DEPDC1: variants seen among roughly 807,000 people sequenced by gnomAD.
The protein encoded by DEPDC1 is DEP domain-containing protein 1A.
Under a neutral mutation model 86.8 loss-of-function variants are expected in DEPDC1, and 66 were observed. The observed-to-expected ratio is 0.76, with a 90% CI of 0.62 to 0.93. DEPDC1 has a LOEUF of 0.93. Ranked by LOEUF, DEPDC1 falls within the 40% of genes least tolerant of loss-of-function variation. The pLI, the probability that DEPDC1 is intolerant of heterozygous loss-of-function variation, is 0.00. For missense variants in DEPDC1, 792 were observed against 935.7 expected (o/e 0.85, Z 2.00); for synonymous variants, 255 against 314.9 (o/e 0.81, Z 2.02).
At chr1:68,494,267 C>T (rs1218603097) in intron 2 of DEPDC1, among the ~76,000 whole-genome samples, 163 bp downstream of exon 2, 1 of 152,174 alleles carries the variant, frequency 6.6e-6, no homozygotes, top group Admixed American at 6.5e-5. Context: ...TTAACTTTCA[C>T]ATTACAATTT....
chr1:68,482,208 T>C lies in DEPDC1; in HGVS notation c.1600A>G (p.Met534Val). The C allele has an allele frequency of 1.2e-6, 2 of 1,612,960 alleles. No homozygotes were observed. Among genetic ancestry groups the C allele is most frequent in the East Asian group, 2.2e-5 (1 of 44,846 alleles). The change falls in exon 8 of 12, where the codon ATG becomes GTG. Residue 534 changes from methionine to valine, a missense_variant. Met to Val is a conservative substitution (Grantham distance 21, BLOSUM62 1). Coordinates refer to ENST00000456315, the MANE Select transcript of DEPDC1 (RefSeq NM_001114120.3). ...CTGCCTTGTCCAACATTTGGTTTCA[T>C]GATAATTTCAGCCACTGGTGTATTG... is the stretch of plus-strand genomic sequence containing the variant. ...YINTPVAEII[M>V]KPNVGQGSTS...
intron 11 of DEPDC1, among the ~76,000 whole-genome samples, chr1:68,477,486 T>C (rs1376490642): frequency 6.6e-6 from 1 of 151,710 alleles, no homozygotes; most frequent in Non-Finnish European, 1.5e-5. Flanking sequence ...TATCCATACC[T>C]TATAAATTGC....
chr1:68,488,424 T>C lies in DEPDC1; in HGVS notation c.671A>G (p.Asn224Ser), dbSNP rs771984101. ...KQVIPQYIMY[N>S]MANTSKRGVV... ...TCCACGTTTACTTGTATTGGCCATG[T>C]TGTACATTATATATTGGGGAATTAC... The change falls in exon 5 of 12, where the codon AAC becomes AGC. Residue 224 changes from asparagine to serine, a missense_variant. Physicochemically the swap from Asn to Ser is conservative, Grantham distance 46. Transcript: ENST00000456315. 1.2e-4 allele frequency: 192 copies of C among 1,606,490 alleles called. No individual in the cohort carries two copies. Among genetic ancestry groups the C allele is most frequent in the Non-Finnish European group, 1.6e-4 (186 of 1,177,260 alleles).
intron 6 of DEPDC1, 50 bp downstream of exon 6, chr1:68,486,881 AACACAC>A (rs55915411): frequency 0.11 from 127,756 of 1,167,950 alleles, 1,554 homozygotes; most frequent in Admixed American, 0.14. Flanking sequence ...CTATCAATAT[AACACAC>A]ACACACACAC....
At chr1:68,486,311 C>T (rs1157471393) in intron 6 of DEPDC1, among the ~76,000 whole-genome samples, 2 of 151,960 alleles carry the variant, frequency 1.3e-5, no homozygotes, top group Non-Finnish European at 2.9e-5. Context: ...CACAACCTTC[C>T]TCCTGCTCCA....
In DEPDC1 at chr1:68,496,884, G is replaced by T. The variant is rs1646269623; in HGVS notation, c.48+68C>A. 4 of 1,535,870 alleles carry T rather than the reference G, an allele frequency of 2.6e-6. No individual in the cohort carries two copies. The African/African-American group carries it at 5.5e-5, about 21-fold the overall frequency. ...CGAGGTAAAACTGCGAACGGTCGAGGTAAAACTGCGAACAGTGGTGACTGC... is the reference window on the plus strand; with the variant it reads ...CGAGGTAAAACTGCGAACGGTCGAGTTAAAACTGCGAACAGTGGTGACTGC... On this transcript the variant is annotated intron_variant, in intron 1 of 11. Coordinates refer to ENST00000456315, the MANE Select transcript of DEPDC1 (RefSeq NM_001114120.3). This position sits in a 1 kb window ranked among gnomAD's most constrained non-coding sequence, Gnocchi z 4.0.
At chr1:68,483,773 C>T (rs931463071) in intron 7 of DEPDC1, among the ~76,000 whole-genome samples, 177 bp downstream of exon 7, 15 of 151,894 alleles carry the variant, frequency 9.9e-5, no homozygotes, top group Non-Finnish European at 2.1e-4. Flanking sequence ...AGGGAAGTCC[C>T]GAATTGGTAG....
intron 7 of DEPDC1, 34 bp from the exon 8 acceptor site, chr1:68,482,931 C>T: frequency 6.5e-7 from 1 of 1,533,250 alleles, no homozygotes; most frequent in South Asian, 1.3e-5. Context: ...TAAGATGCAA[C>T]TGTATGACAG....
chr1:68,478,111 A>G, intron 10 of DEPDC1, 139 bp from the exon 11 acceptor site: 1 of 522,718 alleles, frequency 1.9e-6, no homozygotes, highest in East Asian at 3.4e-5. Flanking sequence ...TGTATTATGC[A>G]GTAGAGGTAT....
At chr1:68,477,685 C>T (rs919271886) in intron 11 of DEPDC1, 102 bp downstream of exon 11, 1 of 817,472 alleles carries the variant, frequency 1.2e-6, no homozygotes, top group East Asian at 3.0e-5. Flanking sequence ...AACTTAAAAT[C>T]TAAAATATTA....
At position 68,496,571 on chromosome 1, in the gene DEPDC1, C is replaced by T. The variant is rs17130714; in HGVS notation, c.48+381G>A. The T allele has an allele frequency of 0.065, 13,780 of 213,362 alleles. 590 individuals are homozygous for T. Among genetic ancestry groups the T allele is most frequent in the African/African-American group, 0.13 (5,741 of 43,866 alleles). The allele number at this position is 213,362 out of a possible 1,614,324, so 13.2% of individuals were successfully genotyped here. A position where few individuals can be genotyped will look rare whatever the true frequency, so the allele number is the denominator to read the frequency against. ...CACCTAACCCTACAAAGCTTTGGAC[C>T]TCATTCCCAATTGTTCCCTAATTCT... On this transcript the variant is annotated intron_variant, in intron 1 of 11. Transcript: ENST00000456315. The surrounding 1 kb of genome is among the most constrained non-coding windows in gnomAD (Gnocchi z 4.0).
intron 6 of DEPDC1, among the ~76,000 whole-genome samples, chr1:68,485,176 A>G (rs1646185028): frequency 6.6e-6 from 1 of 151,832 alleles, no homozygotes; most frequent in Non-Finnish European, 1.5e-5. Flanking sequence ...ACACACACAC[A>G]CACACACACA....
intron 9 of DEPDC1, among the ~76,000 whole-genome samples, chr1:68,479,745 G>C (rs1646141310): frequency 6.6e-6 from 1 of 151,502 alleles, no homozygotes; most frequent in Non-Finnish European, 1.5e-5. Flanking sequence ...CCAGGGTGCA[G>C]TGAGCTATGA....
At chr1:68,483,015 G>C in intron 7 of DEPDC1, 118 bp from the exon 8 acceptor site, 2 of 1,080,162 alleles carry the variant, frequency 1.9e-6, no homozygotes, top group Non-Finnish European at 1.3e-6. Flanking sequence ...TGTTAGTATA[G>C]TATACACAGT....
chr1:68,478,797 C>A (rs182742687), intron 10 of DEPDC1, among the ~76,000 whole-genome samples: 10 of 152,128 alleles, frequency 6.6e-5, no homozygotes, highest in African/African-American at 2.4e-4. Flanking sequence ...TATTTAACCT[C>A]AACTATGCTA....
chr1:68,488,273 G>C (rs1204078763), intron 5 of DEPDC1, 101 bp downstream of exon 5: 3 of 1,134,938 alleles, frequency 2.6e-6, no homozygotes, highest in African/African-American at 3.3e-5. Flanking sequence ...GATGCTCCAT[G>C]AAAGTATTCT....
chr1:68,497,065 A>T lies in DEPDC1; in HGVS notation c.-66T>A, dbSNP rs1029497551. 4.5e-6 allele frequency: 7 copies of T among 1,569,218 alleles called. No individual in the cohort carries two copies. The African/African-American group carries it at 8.2e-5, about 18-fold the overall frequency. ...GACACTCAGGCCCAGCGGCCGCGGC[A>T]GTGGCGAGTCTCGGCACAACCGTTG... is the stretch of plus-strand genomic sequence containing the variant. On this transcript the variant is annotated 5_prime_UTR_variant, in exon 1 of 12. Transcript: ENST00000456315.
intron 4 of DEPDC1, 68 bp from the exon 5 acceptor site, chr1:68,488,572 AAAC>A: frequency 7.8e-7 from 1 of 1,285,368 alleles, no homozygotes; most frequent in East Asian, 2.6e-5. Flanking sequence ...TATGACTAGT[AAAC>A]AAAGCCATCA....
chr1:68,490,220 C>G (rs1646220504), intron 2 of DEPDC1, among the ~76,000 whole-genome samples: 1 of 151,838 alleles, frequency 6.6e-6, no homozygotes, highest in Non-Finnish European at 1.5e-5. Flanking sequence ...ATTTCATCAC[C>G]CAAGTATTTA....
Sources: allele counts gnomAD v4.1 joint callset (sites outside exome capture counted in the v4.1 genomes callset), GRCh38; gene constraint gnomAD v4.1.1; non-coding constraint Gnocchi (gnomAD v3.1); transcripts MANE v1.5; gene names NCBI Gene and HGNC (gene_info 2026-07-23, HGNC 2026-07-21).